ATG7: variants seen among roughly 807,000 people sequenced by gnomAD.
The protein encoded by ATG7 is autophagy related 7, also known as ubiquitin-like modifier-activating enzyme ATG7.
In ATG7, 70 loss-of-function variants were observed where a neutral mutation model predicts 82.4. That is an observed-to-expected ratio of 0.85 (90% confidence interval 0.70 to 1.04). ATG7 has a LOEUF of 1.04. Among genes scored for constraint, ATG7 ranks in the 50% least tolerant of loss-of-function variants. The probability of loss-of-function intolerance (pLI) is 0.00; values close to 1 mark genes in which losing one functional copy is unlikely to be tolerated. For synonymous variants in ATG7, 287 were observed against 313.0 expected (o/e 0.92, Z 0.88); for missense variants, 792 against 864.3 (o/e 0.92, Z 1.05).
chr3:11,348,184 T>A (rs1001205224), intron 14 of ATG7, 149 bp downstream of exon 14: 1 of 1,113,842 alleles, frequency 9.0e-7, no homozygotes, highest in African/African-American at 1.6e-5. Context: ...TGTTTCCTCA[T>A]CTCAGAGAGG....
At chr3:11,376,428 A>G (rs1305776794) in intron 18 of ATG7, among the ~76,000 whole-genome samples, 2 of 152,238 alleles carry the variant, frequency 1.3e-5, no homozygotes, top group East Asian at 3.8e-4. Context: ...GGGTAGAGAT[A>G]CTATTTCTAG....
rs1231595695 is a variant in ATG7, at chr3:11,556,010, G to GGT, written c.*1169_*1170dup. 6.5e-6 allele frequency: 1 copy of GGT among 152,744 alleles called. No individual in the cohort carries two copies. Among genetic ancestry groups the GGT allele is most frequent in the East Asian group, 1.9e-4 (1 of 5,310 alleles). 9.5% of individuals were successfully genotyped at this position (152,744 alleles called of 1,614,324 possible). On this transcript the variant is annotated 3_prime_UTR_variant, in exon 21 of 21. Coordinates refer to ENST00000693202, the MANE Select transcript of ATG7 (RefSeq NM_001349232.2). ...GCTTCATGGGGACACAGCCGGCACA[G>GGT]GTGCAGGGCCCGAGTCCGCCCACCC...
intron 20 of ATG7, among the ~76,000 whole-genome samples, chr3:11,528,807 C>T (rs2092636680): frequency 8.6e-6 from 1 of 116,762 alleles, no homozygotes; most frequent in South Asian, 2.8e-4. Context: ...GCATGGGCGA[C>T]AGAGCAAGAC....
chr3:11,320,526 G>T (rs1363726914), intron 9 of ATG7, among the ~76,000 whole-genome samples: 1 of 152,184 alleles, frequency 6.6e-6, no homozygotes, highest in Non-Finnish European at 1.5e-5. Flanking sequence ...GACCTCAGGT[G>T]ATCCACCCAC....
In ATG7 at chr3:11,286,065, C is replaced by T. The variant is rs139871909; in HGVS notation, c.-11+3627C>T. On this transcript the variant is annotated intron_variant, in intron 3 of 20. Coordinates refer to ENST00000693202, the MANE Select transcript of ATG7 (RefSeq NM_001349232.2). ...AACTTGGGTTTATCTGATGTTTCCT[C>T]CCATGAGATCCAGGTTGTGTATTTT... Among the ~76,000 whole-genome samples, 16 of 152,306 alleles carry T rather than the reference C, an allele frequency of 1.1e-4. 1 individual carries two copies. The highest frequency in any genetic ancestry group is 3.6e-4 in the African/African-American group (15 of 41,558).
At chr3:11,573,376 A>G in the ATG7 span, among the ~76,000 whole-genome samples, 14 of 146,428 alleles carry the variant, frequency 9.6e-5, no homozygotes, top group East Asian at 2.1e-4. Flanking sequence ...AGAAAGAAAG[A>G]AAGAAAGAAA....
chr3:11,560,350 AC>A (rs1252940700), downstream of ATG7, among the ~76,000 whole-genome samples: 1 of 152,070 alleles, frequency 6.6e-6, no homozygotes, highest in East Asian at 1.9e-4. Flanking sequence ...ATCTTCCAAT[AC>A]CCCCGAGGAC....
chr3:11,500,003 T>C (rs1414471014), intron 20 of ATG7, among the ~76,000 whole-genome samples: 2 of 152,192 alleles, frequency 1.3e-5, no homozygotes, highest in African/African-American at 4.8e-5. Context: ...TTCAGGAGTG[T>C]TCTGAGTTCC....
intron 10 of ATG7, 147 bp downstream of exon 10, chr3:11,331,575 C>T: frequency 1.4e-6 from 1 of 724,214 alleles, no homozygotes. Flanking sequence ...ATAAATCAGT[C>T]ATAACCCAAT....
chr3:11,414,190 T>C (rs2081166723), intron 19 of ATG7, among the ~76,000 whole-genome samples: 9 of 152,180 alleles, frequency 5.9e-5, no homozygotes, highest in Admixed American at 5.2e-4. Context: ...TTCAGCTTCC[T>C]GAGTAGCTGG....
At chr3:11,303,077 T>C (rs527512642) in intron 5 of ATG7, among the ~76,000 whole-genome samples, 1 of 152,308 alleles carries the variant, frequency 6.6e-6, no homozygotes, top group African/African-American at 2.4e-5. Context: ...GGACTTTGCA[T>C]TGTGTGCTGA....
intron 18 of ATG7, among the ~76,000 whole-genome samples, chr3:11,373,548 T>C (rs190733359): frequency 2.0e-5 from 3 of 152,216 alleles, no homozygotes; most frequent in Admixed American, 2.0e-4. Context: ...TTCCAGGGGC[T>C]TCTTCTGATG....
intron 3 of ATG7, among the ~76,000 whole-genome samples, chr3:11,297,287 G>C (rs953133942): frequency 1.3e-5 from 2 of 152,186 alleles, no homozygotes; most frequent in African/African-American, 4.8e-5. Context: ...GAGCTTGGGA[G>C]GCTGAGGTTG....
intron 20 of ATG7, among the ~76,000 whole-genome samples, chr3:11,552,075 T>C (rs1464356760): frequency 6.6e-6 from 1 of 152,262 alleles, no homozygotes; most frequent in Non-Finnish European, 1.5e-5. Context: ...GAACTAAACA[T>C]TGTTTGCACT....
intron 19 of ATG7, among the ~76,000 whole-genome samples, chr3:11,390,864 G>A (rs1489027601): frequency 1.3e-5 from 2 of 152,196 alleles, no homozygotes; most frequent in African/African-American, 2.4e-5. Flanking sequence ...GAGCTGGCAG[G>A]ACATTTTGAT....
At chr3:11,475,024 A>G (rs1244665035) in intron 20 of ATG7, among the ~76,000 whole-genome samples, 3 of 149,674 alleles carry the variant, frequency 2.0e-5, no homozygotes, top group South Asian at 2.1e-4. Context: ...AACAGGAGTG[A>G]CTTAACTTTT....
chr3:11,573,369 AAGAAAGAAAGAAAGAAAGAAAG>A, the ATG7 span, among the ~76,000 whole-genome samples: 8 of 144,376 alleles, frequency 5.5e-5, no homozygotes, highest in East Asian at 1.1e-3. Context: ...GAAAGAAAGA[AAGAAAGAAAGAAAGAAAGAAAG>A]AAAGAAAATG....
At chr3:11,302,726 A>G (rs1041180771) in intron 5 of ATG7, among the ~76,000 whole-genome samples, 1 of 152,228 alleles carries the variant, frequency 6.6e-6, no homozygotes, top group African/African-American at 2.4e-5. Flanking sequence ...AATGACATAC[A>G]GTTGAATAGC....
chr3:11,308,188 C>T (rs907316736), intron 6 of ATG7, among the ~76,000 whole-genome samples: 7 of 152,210 alleles, frequency 4.6e-5, no homozygotes, highest in African/African-American at 1.4e-4. Context: ...ACTTATTTCC[C>T]TCTTCCACCC....
Sources: gnomAD v4.1 joint callset for allele counts (sites outside exome capture counted in the v4.1 genomes callset) on GRCh38, gnomAD v4.1.1 for gene constraint, MANE v1.5 for transcripts, NCBI Gene and HGNC (gene_info 2026-07-23, HGNC 2026-07-21) for gene names.